The following SGSH variants were observed in gnomAD, a reference collection of about 807,000 sequenced individuals.
The protein encoded by SGSH is N-sulfoglucosamine sulfohydrolase.
A neutral mutation model predicts 51.0 loss-of-function variants in SGSH; 48 were observed. That is an observed-to-expected ratio of 0.94 (90% CI 0.75 to 1.20). The LOEUF (loss-of-function observed/expected upper bound fraction) is 1.20. SGSH is among the 50% of genes most tolerant of loss of function. The probability of loss-of-function intolerance (pLI) is 0.00; values close to 1 mark genes in which losing one functional copy is unlikely to be tolerated. For missense variants in SGSH, 662 were observed against 717.8 expected (o/e 0.92, Z 0.89); for synonymous variants, 321 against 313.4 (o/e 1.02, Z -0.26).
chr17:80,214,541 A>G, intron 4 of SGSH, 74 bp downstream of exon 4: 1 of 1,506,016 alleles, frequency 6.6e-7, no homozygotes. Flanking sequence ...GGGCCCATGC[A>G]TCCCGCCGGA....
downstream of SGSH, chr17:80,202,615 A>G (rs1350803317): frequency 7.7e-6 from 11 of 1,424,248 alleles, no homozygotes; most frequent in Admixed American, 2.6e-4. Context: ...ATTGCAAATG[A>G]AATGTTCATT....
the SGSH span, chr17:80,201,492 AACCCCCGATCTCG>A: frequency 1.3e-5 from 7 of 520,524 alleles, no homozygotes; most frequent in African/African-American, 1.4e-4. This position sits in a 1 kb window ranked among gnomAD's most constrained non-coding sequence, Gnocchi z 5.0. Flanking sequence ...TATCACAAAG[AACCCCCGATCTCG>A]ACTGGGGAAG....
intron 2 of SGSH, chr17:80,216,713 C>T: frequency 2.5e-6 from 1 of 407,400 alleles, no homozygotes; most frequent in South Asian, 3.0e-5. Context: ...TGTTTACATA[C>T]AAAGCATTAG....
At chr17:80,208,336 C>A (rs984646773), downstream of SGSH, 21 of 1,595,492 alleles carry the variant, frequency 1.3e-5, no homozygotes, top group Admixed American at 2.1e-4. Flanking sequence ...CGGAGCAGAG[C>A]CCCCGATGAT....
At position 80,212,483 on chromosome 17, in the gene SGSH, G is replaced by A. The variant is rs191963376; in HGVS notation, c.746-209C>T. The A allele has an allele frequency of 2.1e-4, 129 of 623,290 alleles. No homozygotes were observed. The East Asian group carries it at 3.4e-3, about 17-fold the overall frequency. 38.6% of individuals were successfully genotyped at this position (623,290 alleles called of 1,614,324 possible). A position where few individuals can be genotyped will look rare whatever the true frequency, so the allele number is the denominator to read the frequency against. On this transcript the variant is annotated intron_variant, in intron 6 of 7. Coordinates refer to ENST00000326317, the MANE Select transcript of SGSH (RefSeq NM_000199.5). The surrounding 1 kb of genome is among the most constrained non-coding windows in gnomAD (Gnocchi z 5.9). Reference sequence around the variant, plus strand: ...AGCTCCCATTCCCTGAGCAGGCCTCGAATGGGCCTCCAGGGACTCCAGCCA... The same window carrying A: ...AGCTCCCATTCCCTGAGCAGGCCTCAAATGGGCCTCCAGGGACTCCAGCCA...
At position 80,212,505 on chromosome 17, in the gene SGSH, G is replaced by A. The variant is rs945364886; in HGVS notation, c.746-231C>T. ...CTCGAATGGGCCTCCAGGGACTCCA[G>A]CCATCCCTTGGCACTTCTGTGTCAC... On this transcript the variant is annotated intron_variant, in intron 6 of 7. Transcript: ENST00000326317. This position sits in a 1 kb window ranked among gnomAD's most constrained non-coding sequence, Gnocchi z 5.9. 11 of 586,286 alleles carry A rather than the reference G, an allele frequency of 1.9e-5. No individual in the cohort carries two copies. Among genetic ancestry groups the A allele is most frequent in the African/African-American group, 3.7e-5 (2 of 54,074 alleles). 36.3% of individuals were successfully genotyped at this position (586,286 alleles called of 1,614,324 possible). A position where few individuals can be genotyped will look rare whatever the true frequency, so the allele number is the denominator to read the frequency against.
rs372481748 is a variant in SGSH, at chr17:80,214,361, G to A, written c.507-33C>T. 1.1e-4 allele frequency: 178 copies of A among 1,603,758 alleles called. No homozygotes were observed. In the East Asian group the frequency reaches 1.6e-3, roughly 15 times the overall value. On this transcript the variant is annotated intron_variant, in intron 4 of 7. Coordinates refer to ENST00000326317, the MANE Select transcript of SGSH (RefSeq NM_000199.5). ...GGAGGAGGCTCATTGCCAAGGCTGC[G>A]GGGCCACTGCCACGTGGCACAGGAA...
rs77032342 is a variant in SGSH, at chr17:80,220,203, G to C, written c.88+23C>G. The C allele has an allele frequency of 7.8e-3, 11,565 of 1,489,064 alleles. 311 individuals carry two copies. In the African/African-American group the frequency reaches 0.085, roughly 11 times the overall value. The allele number at this position is 1,489,064 out of a possible 1,614,324, so 92.2% of individuals were successfully genotyped here. On this transcript the variant is annotated intron_variant, in intron 1 of 7. Coordinates refer to ENST00000326317, the MANE Select transcript of SGSH (RefSeq NM_000199.5). Reference sequence around the variant, plus strand: ...TCCCCGGGCCACCGCAGGTGGGCGTGGGGGGGCGGCGCCGGCACTCACCGA... The same window carrying C: ...TCCCCGGGCCACCGCAGGTGGGCGTCGGGGGGCGGCGCCGGCACTCACCGA...
At chr17:80,205,457 G>A, downstream of SGSH, 2 of 1,540,644 alleles carry the variant, frequency 1.3e-6, no homozygotes, top group South Asian at 1.2e-5. Context: ...ACGGGGACAG[G>A]GGTGTTTACC....
downstream of SGSH, chr17:80,203,534 G>A (rs1166708382): frequency 5.2e-6 from 2 of 384,398 alleles, no homozygotes; most frequent in East Asian, 8.8e-5. This position sits in a 1 kb window ranked among gnomAD's most constrained non-coding sequence, Gnocchi z 4.6. Flanking sequence ...CTGGAGTGGG[G>A]CCCTGTACGC....
chr17:80,202,434 T>A (rs8069255), downstream of SGSH: 757,109 of 1,604,700 alleles, frequency 0.47, 184,171 homozygotes, highest in East Asian at 0.54. Flanking sequence ...AGCAGCTGCC[T>A]CGAGCTCGGT....
In SGSH at chr17:80,217,138, G is replaced by C; in HGVS notation, c.143C>G (p.Pro48Arg). ...GCGGCGGGCCAAGGCGTCCAGGTGC[G>C]GGGTGGCGATGGCGCTGTTGTTGTA... ...GAYNNSAIAT[P>R]HLDALARRSL... Residue 48 changes from proline (P) to arginine (R), a missense_variant, in exon 2 of 8, where the codon CCG (proline) becomes CGG (arginine). Transcript: ENST00000326317. The C allele has an allele frequency of 6.2e-7, 1 of 1,601,514 alleles. No individual in the cohort carries two copies. Among genetic ancestry groups the C allele is most frequent in the Non-Finnish European group, 8.5e-7 (1 of 1,176,136 alleles).
At chr17:80,208,123 C>T (rs549404117), downstream of SGSH, 27 of 1,499,318 alleles carry the variant, frequency 1.8e-5, no homozygotes, top group Non-Finnish European at 2.3e-5. Flanking sequence ...CCCCCCCCAA[C>T]TCTGGCCTGT....
In SGSH at chr17:80,213,713, C is replaced by T. The variant is rs1204864832; in HGVS notation, c.745+91G>A. On this transcript the variant is annotated intron_variant, in intron 6 of 7. Transcript: ENST00000326317. The surrounding 1 kb of genome is among the most constrained non-coding windows in gnomAD (Gnocchi z 4.6). ...GGGCCTGCCACACTGGGACCCTCACCCACATTATGCCGTGACCTAAGAGGG... is the reference window on the plus strand; with the variant it reads ...GGGCCTGCCACACTGGGACCCTCACTCACATTATGCCGTGACCTAAGAGGG... 4 of 1,129,202 alleles carry T rather than the reference C, an allele frequency of 3.5e-6. No individual in the cohort carries two copies. The highest frequency in any genetic ancestry group is 4.0e-5 in the Admixed American group (2 of 50,232). 69.9% of individuals were successfully genotyped at this position (1,129,202 alleles called of 1,614,324 possible).
At chr17:80,202,235 A>T (rs1283690984), downstream of SGSH, 2 of 1,614,012 alleles carry the variant, frequency 1.2e-6, no homozygotes, top group South Asian at 2.2e-5. Context: ...CGGGGGACTC[A>T]TTCTACATCC....
intron 3 of SGSH, 25 bp downstream of exon 3, chr17:80,215,008 C>A (rs764621474): frequency 6.3e-7 from 1 of 1,591,758 alleles, no homozygotes; most frequent in Non-Finnish European, 8.6e-7. Flanking sequence ...CACCCCACGC[C>A]CTGTCCTCGG....
intron 1 of SGSH, 97 bp from the exon 2 acceptor site, chr17:80,217,289 A>G: frequency 7.0e-7 from 1 of 1,426,164 alleles, no homozygotes; most frequent in South Asian, 1.2e-5. Flanking sequence ...CCAGAAGGCG[A>G]GACACCCAGG....
intron 2 of SGSH, 147 bp downstream of exon 2, chr17:80,216,885 A>T: frequency 1.3e-6 from 1 of 777,896 alleles, no homozygotes; most frequent in Non-Finnish European, 2.1e-6. Context: ...ACTCACAGCC[A>T]TAGGCTGTGC....
chr17:80,208,917 T>C (rs1440928391), downstream of SGSH: 1 of 152,324 alleles, frequency 6.6e-6, no homozygotes, highest in African/African-American at 2.4e-5. Flanking sequence ...AACTCCAGTT[T>C]ACAGAGACCA....
Sources: allele counts gnomAD v4.1 joint callset, GRCh38; gene constraint gnomAD v4.1.1; non-coding constraint Gnocchi (gnomAD v3.1); transcripts MANE v1.5; gene names NCBI Gene and HGNC (gene_info 2026-07-23, HGNC 2026-07-21).